The following AQR variants were observed in gnomAD, a reference collection of about 807,000 sequenced individuals.
AQR encodes the protein RNA helicase aquarius.
AQR carries 61 observed loss-of-function variants against 180.5 expected under a neutral mutation model. That is an observed-to-expected ratio of 0.34 (90% CI 0.28 to 0.42). The LOEUF (loss-of-function observed/expected upper bound fraction) is 0.42. Among genes scored for constraint, AQR ranks in the 10% least tolerant of loss-of-function variants. AQR has a pLI of 1.00. For missense variants in AQR, 1,281 were observed against 1,798.3 expected (o/e 0.71, Z 5.20); for synonymous variants, 551 against 588.8 (o/e 0.94, Z 0.93).
At chr15:34,943,181 T>C (rs1894053236) in intron 6 of AQR, 1 of 1,610,836 alleles carries the variant, frequency 6.2e-7, no homozygotes, top group Non-Finnish European at 8.5e-7. Context: ...ATTCTCTGTA[T>C]GCCCAGGGAA....
chr15:34,876,048 C>A, intron 27 of AQR, 42 bp from the exon 28 acceptor site: 1 of 1,402,724 alleles, frequency 7.1e-7, no homozygotes, highest in South Asian at 1.2e-5. Context: ...GCTTAAAAGT[C>A]AAACAACTAC....
chr15:34,947,285 G>A (rs891496786), intron 5 of AQR, among the ~76,000 whole-genome samples: 1 of 151,592 alleles, frequency 6.6e-6, no homozygotes, highest in Non-Finnish European at 1.5e-5. Context: ...TGCAAGATGT[G>A]CTTTGTTAAA....
intron 8 of AQR, 69 bp from the exon 9 acceptor site, chr15:34,938,882 T>TTGTC: frequency 8.8e-7 from 1 of 1,139,594 alleles, no homozygotes; most frequent in Non-Finnish European, 1.3e-6. Flanking sequence ...ACTTTAAATG[T>TTGTC]TGACCACGGC....
At chr15:34,922,796 T>C (rs1222918288) in intron 13 of AQR, among the ~76,000 whole-genome samples, 2 of 151,506 alleles carry the variant, frequency 1.3e-5, no homozygotes, top group African/African-American at 2.4e-5. Flanking sequence ...ACGTGAACCA[T>C]TGTGCCTGGC....
At chr15:34,873,446 A>C (rs75702772) in intron 30 of AQR, among the ~76,000 whole-genome samples, 1,934 of 152,218 alleles carry the variant, frequency 0.013, 24 homozygotes, top group East Asian at 0.058. Context: ...TGATTTTTTA[A>C]AACAATTTAT....
chr15:34,941,391 TTC>T (rs779005468), intron 7 of AQR, among the ~76,000 whole-genome samples: 9 of 152,186 alleles, frequency 5.9e-5, no homozygotes, highest in Non-Finnish European at 1.2e-4. Flanking sequence ...CATCAGCATA[TTC>T]TCTCTTATAG....
chr15:34,893,708 G>A lies in AQR; in HGVS notation c.2526C>T (p.His842=), dbSNP rs201128243. 1.2e-4 allele frequency: 186 copies of A among 1,613,918 alleles called. No individual in the cohort carries two copies. The East Asian group carries it at 3.8e-3, about 33-fold the overall frequency. The change falls in exon 23 of 35, where the codon CAC becomes CAT. Residue 842 remains histidine, a synonymous_variant. Transcript: ENST00000156471. ...TTAGAGTCCTCTGTTCTGGGAAGTT[G>A]TGGTAGATGTTGGATATGATCTGAA... The part of the protein sequence containing the change: ...VAVQIISNIY[H]NFPEQRTLIV...
chr15:34,887,385 A>C (rs1183181090), intron 24 of AQR, among the ~76,000 whole-genome samples: 2 of 152,234 alleles, frequency 1.3e-5, no homozygotes, highest in African/African-American at 2.4e-5. Flanking sequence ...ACTGTTTTAC[A>C]CTACATAAAA....
intron 3 of AQR, among the ~76,000 whole-genome samples, chr15:34,957,614 T>C (rs1393792940): frequency 6.7e-6 from 1 of 149,670 alleles, no homozygotes; most frequent in Non-Finnish European, 1.5e-5. Flanking sequence ...GGCAGGAGAA[T>C]CACTTGAACC....
chr15:34,920,875 G>A (rs995390401), intron 13 of AQR, among the ~76,000 whole-genome samples: 1 of 151,494 alleles, frequency 6.6e-6, no homozygotes, highest in Non-Finnish European at 1.5e-5. Context: ...GGAAAATGGC[G>A]TGAACCCGGG....
chr15:34,951,647 G>A (rs1418032782), intron 4 of AQR, among the ~76,000 whole-genome samples: 1 of 147,636 alleles, frequency 6.8e-6, no homozygotes, highest in Non-Finnish European at 1.5e-5. Flanking sequence ...CTCCAGCCTG[G>A]CAACAGAGCG....
intron 3 of AQR, among the ~76,000 whole-genome samples, chr15:34,958,980 GATATAGATATAGATATAGA>G (rs1453112343): frequency 3.7e-4 from 1 of 2,684 alleles, no homozygotes; most frequent in Non-Finnish European, 1.9e-3. Flanking sequence ...TAGATATATA[GATATAGATATAGATATAGA>G]TATAGATATA....
chr15:34,949,795 A>T (rs990881390), intron 4 of AQR, among the ~76,000 whole-genome samples: 23 of 118,818 alleles, frequency 1.9e-4, no homozygotes, highest in Admixed American at 2.5e-4. Flanking sequence ...TATCTCTATT[A>T]AAAAAAAAAA....
At chr15:34,912,197 A>G (rs1409892058) in intron 16 of AQR, among the ~76,000 whole-genome samples, 2 of 152,182 alleles carry the variant, frequency 1.3e-5, no homozygotes, top group African/African-American at 4.8e-5. Flanking sequence ...ATTTGAAATC[A>G]GGAAGTATGA....
Position 34,863,121 on chromosome 15 carries a change from A to G in AQR, c.3855-80T>C, listed in dbSNP as rs1250933000. 3.0e-6 allele frequency: 4 copies of G among 1,328,802 alleles called. No homozygotes were observed. In the East Asian group the frequency reaches 7.4e-5, roughly 25 times the overall value. The allele number at this position is 1,328,802 out of a possible 1,614,324, so 82.3% of individuals were successfully genotyped here. A position where few individuals can be genotyped will look rare whatever the true frequency, so the allele number is the denominator to read the frequency against. ...AGCTTTTTTTTTTTTCACAGATTTCATTAGATAGTCCTGTTAAGCCCTGGC... is the reference window on the plus strand; with the variant it reads ...AGCTTTTTTTTTTTTCACAGATTTCGTTAGATAGTCCTGTTAAGCCCTGGC... On this transcript the variant is annotated intron_variant, in intron 32 of 34. Transcript: ENST00000156471.
chr15:34,964,364 G>A, intron 1 of AQR, 74 bp from the exon 2 acceptor site: 1 of 1,254,190 alleles, frequency 8.0e-7, no homozygotes, highest in Non-Finnish European at 1.2e-6. Flanking sequence ...ATCATTTAGT[G>A]ATAAGCGGTT....
At chr15:34,876,459 C>T (rs1413515324) in intron 27 of AQR, among the ~76,000 whole-genome samples, 1 of 152,072 alleles carries the variant, frequency 6.6e-6, no homozygotes, top group East Asian at 1.9e-4. Flanking sequence ...TCAGTCTCAC[C>T]CCTGGGCATT....
intron 3 of AQR, among the ~76,000 whole-genome samples, chr15:34,953,672 G>A (rs1169346933): frequency 6.6e-6 from 1 of 152,164 alleles, no homozygotes; most frequent in Non-Finnish European, 1.5e-5. Flanking sequence ...ATGCTAAGTG[G>A]ATAGGCCATC....
intron 20 of AQR, 78 bp downstream of exon 20, chr15:34,900,543 CT>C: frequency 3.3e-6 from 5 of 1,520,570 alleles, no homozygotes; most frequent in Non-Finnish European, 4.4e-6. Flanking sequence ...TCAAAACTCA[CT>C]TTAGCTAACA....
Sources: gnomAD v4.1 joint callset for allele counts (sites outside exome capture counted in the v4.1 genomes callset) on GRCh38, gnomAD v4.1.1 for gene constraint, MANE v1.5 for transcripts, NCBI Gene and HGNC (gene_info 2026-07-23, HGNC 2026-07-21) for gene names.